Variants in ITGA9 observed in about 807,000 individuals in gnomAD.
ITGA9 encodes integrin subunit alpha 9.
In ITGA9, 56 loss-of-function variants were observed where a neutral mutation model predicts 127.8. The ratio of observed to expected loss-of-function variants is 0.44; its 90% CI spans 0.35 to 0.55. The LOEUF is 0.55. Ranked by LOEUF, ITGA9 falls within the 20% of genes least tolerant of loss-of-function variation. The pLI is 0.00. For missense variants in ITGA9, 1,196 were observed against 1,347.1 expected, an observed-to-expected ratio of 0.89 and a Z score of 1.76; for synonymous variants, 508 against 514.5, an observed-to-expected ratio of 0.99 and a Z score of 0.17.
intron 15 of ITGA9, among the ~76,000 whole-genome samples, chr3:37,611,265 A>G (rs1283813420): frequency 1.3e-5 from 2 of 152,192 alleles, no homozygotes; most frequent in Non-Finnish European, 1.5e-5. Context: ...AGTTCAGTCT[A>G]ATTCTGGGGG....
intron 15 of ITGA9, among the ~76,000 whole-genome samples, chr3:37,547,990 T>C (rs1323694982): frequency 6.6e-6 from 1 of 152,222 alleles, no homozygotes; most frequent in Non-Finnish European, 1.5e-5. Context: ...TTTATGCAAA[T>C]AGTAGTATAC....
At position 37,785,056 on chromosome 3, in the gene ITGA9, A is replaced by T. The variant is rs371349334; in HGVS notation, c.2867A>T (p.His956Leu). ...GCCCTAAGGGTGGTGGAAATAGCTC[A>T]TGGGAACCCAGAAGAGGTGACGGTG... ...DPALRVVEIAHGNPEEVTVVF... is the reference protein window; with the variant it reads ...DPALRVVEIALGNPEEVTVVF... Residue 956 changes from histidine to leucine, a missense_variant, in exon 26 of 28, where the codon CAT becomes CTT. Coordinates refer to ENST00000264741, the MANE Select transcript of ITGA9 (RefSeq NM_002207.3). The T allele has an allele frequency of 3.7e-6, 6 of 1,610,774 alleles. No individual in the cohort carries two copies. The African/African-American group carries it at 6.7e-5, about 18-fold the overall frequency.
intron 15 of ITGA9, among the ~76,000 whole-genome samples, chr3:37,566,581 C>T (rs866151594): frequency 1.3e-5 from 2 of 152,208 alleles, no homozygotes; most frequent in Non-Finnish European, 2.9e-5. Context: ...ACCATTAGCC[C>T]CACTTTGGCA....
chr3:37,513,293 A>G (rs1037277812), intron 8 of ITGA9, among the ~76,000 whole-genome samples: 1 of 152,032 alleles, frequency 6.6e-6, no homozygotes, highest in Non-Finnish European at 1.5e-5. Context: ...GGAATGGGGG[A>G]CTTTGGGCCA....
chr3:37,684,973 G>A lies in ITGA9; in HGVS notation c.2067+958G>A, dbSNP rs576369759. On this transcript the variant is annotated intron_variant, in intron 18 of 27. Coordinates refer to ENST00000264741, the MANE Select transcript of ITGA9 (RefSeq NM_002207.3). Reference sequence around the variant, plus strand: ...CAGGCTTCCCTGCAGACAACAAGGGGGAACAAGTGGACAAAAGTCGACTCT... The same window carrying A: ...CAGGCTTCCCTGCAGACAACAAGGGAGAACAAGTGGACAAAAGTCGACTCT... 6.6e-5 allele frequency among the ~76,000 whole-genome samples: 10 copies of A among 152,234 alleles called. No individual in the cohort carries two copies. The South Asian group carries it at 2.1e-3, about 32-fold the overall frequency.
In ITGA9 at chr3:37,526,073, T is replaced by TGA; in HGVS notation, c.1373+6_1373+7dup. On this transcript the variant is annotated splice_region_variant and intron_variant, in intron 13 of 27. Transcript: ENST00000264741. ...GTCCGACAGCGTGGTTCTTCTCAGG[T>TGA]GAGAGGCCCCACTCTTGCTCCTTGA... 6.2e-7 allele frequency: 1 copy of TGA among 1,613,332 alleles called. No homozygotes were observed. Among genetic ancestry groups the TGA allele is most frequent in the South Asian group, 1.1e-5 (1 of 91,040 alleles).
chr3:37,733,370 T>G (rs1696320203), intron 19 of ITGA9, among the ~76,000 whole-genome samples: 1 of 152,146 alleles, frequency 6.6e-6, no homozygotes, highest in Non-Finnish European at 1.5e-5. Flanking sequence ...TGGAACATTG[T>G]AGTATGTGCC....
At chr3:37,661,750 G>C (rs1157986274) in intron 17 of ITGA9, among the ~76,000 whole-genome samples, 1 of 152,232 alleles carries the variant, frequency 6.6e-6, no homozygotes, top group Admixed American at 6.5e-5. Flanking sequence ...AGCAGTATGT[G>C]AGCCCTGCTC....
At chr3:37,681,087 C>G (rs967311153) in intron 17 of ITGA9, among the ~76,000 whole-genome samples, 1 of 152,202 alleles carries the variant, frequency 6.6e-6, no homozygotes, top group South Asian at 2.1e-4. Context: ...TCCACCCCCC[C>G]AGAAATTAGT....
rs142043846 is a variant in ITGA9, at chr3:37,594,802, C to T, written c.1690-34385C>T. On this transcript the variant is annotated intron_variant, in intron 15 of 27. Transcript: ENST00000264741. ...GGTGTTAAATATATATTTTGGGGAA[C>T]GGGGTCTCGCTATGTTGCCCAGGCT... Among the ~76,000 whole-genome samples the T allele has an allele frequency of 3.5e-3, 539 of 152,198 alleles. 1 individual carries two copies. The highest frequency in any genetic ancestry group is 5.8e-3 in the Non-Finnish European group (394 of 67,992).
chr3:37,597,722 T>C lies in ITGA9; in HGVS notation c.1690-31465T>C, dbSNP rs9823993. 0.53 allele frequency among the ~76,000 whole-genome samples: 80,797 copies of C among 152,114 alleles called. 22,008 individuals are homozygous for C. The highest frequency in any genetic ancestry group is 0.6 in the East Asian group (3,087 of 5,168). On this transcript the variant is annotated intron_variant, in intron 15 of 27. Transcript: ENST00000264741. The surrounding 1 kb of genome is among the most constrained non-coding windows in gnomAD (Gnocchi z 4.6). ...TAATGCTGCAGAACAAACTCAAAAC[T>C]TCAGTGGCATACAATACAAAGCATA...
intron 18 of ITGA9, among the ~76,000 whole-genome samples, chr3:37,732,398 C>T (rs1466827634): frequency 2.0e-5 from 3 of 152,080 alleles, no homozygotes; most frequent in African/African-American, 4.8e-5. Context: ...ACAGGGTTGC[C>T]TTTTCATCCA....
chr3:37,732,770 G>A lies in ITGA9; in HGVS notation c.2126G>A (p.Gly709Glu), dbSNP rs765656403. The change falls in exon 19 of 28, where the codon GGA (glycine) becomes GAA (glutamate). Residue 709 changes from glycine to glutamate, a missense_variant. Coordinates refer to ENST00000264741, the MANE Select transcript of ITGA9 (RefSeq NM_002207.3). Reference protein sequence around the residue: ...LESDFLKCSVGFPFMRSKSKY... With the variant: ...LESDFLKCSVEFPFMRSKSKY... ...TCGGACTTCCTCAAATGCAGCGTGG[G>A]ATTTCCTTTCATGAGGTCAAAGTCA... 6.2e-7 allele frequency: 1 copy of A among 1,611,414 alleles called. No individual in the cohort carries two copies. Among genetic ancestry groups the A allele is most frequent in the Non-Finnish European group, 8.5e-7 (1 of 1,179,350 alleles).
In ITGA9 at chr3:37,597,113, G is replaced by A. The variant is rs184447831; in HGVS notation, c.1690-32074G>A. ...GAAGTAGGGCCAAGTTGGAAGAGGCGAGGAAGTTTAACTTTAAATGAAATT... is the reference window on the plus strand; with the variant it reads ...GAAGTAGGGCCAAGTTGGAAGAGGCAAGGAAGTTTAACTTTAAATGAAATT... On this transcript the variant is annotated intron_variant, in intron 15 of 27. Coordinates refer to ENST00000264741, the MANE Select transcript of ITGA9 (RefSeq NM_002207.3). The surrounding 1 kb of genome is among the most constrained non-coding windows in gnomAD (Gnocchi z 4.6). Among the ~76,000 whole-genome samples the A allele has an allele frequency of 2.6e-5, 4 of 152,316 alleles. No homozygotes were observed. The highest frequency in any genetic ancestry group is 1.9e-4 in the East Asian group (1 of 5,182).
At chr3:37,719,844 T>TG (rs1029457064) in intron 18 of ITGA9, among the ~76,000 whole-genome samples, 36 of 152,282 alleles carry the variant, frequency 2.4e-4, no homozygotes, top group African/African-American at 8.4e-4. Context: ...CAAAGTCTGC[T>TG]CAGATAAGGG....
At chr3:37,481,200 C>G (rs1412402284) in intron 3 of ITGA9, among the ~76,000 whole-genome samples, 3 of 152,184 alleles carry the variant, frequency 2.0e-5, no homozygotes, top group Non-Finnish European at 4.4e-5. Flanking sequence ...CTCCCAGATT[C>G]TCTATTCTAT....
chr3:37,632,985 A>G (rs180705139), intron 16 of ITGA9, among the ~76,000 whole-genome samples: 12 of 152,310 alleles, frequency 7.9e-5, no homozygotes, highest in African/African-American at 2.9e-4. Flanking sequence ...CTTGTACTTC[A>G]ACAAAACAAA....
chr3:37,463,535 A>G (rs748283871), intron 1 of ITGA9, among the ~76,000 whole-genome samples: 1 of 152,182 alleles, frequency 6.6e-6, no homozygotes, highest in Non-Finnish European at 1.5e-5. Context: ...TAGGGTACCA[A>G]CAGAACAATC....
intron 16 of ITGA9, among the ~76,000 whole-genome samples, chr3:37,647,637 C>A (rs1349089727): frequency 6.6e-6 from 1 of 152,160 alleles, no homozygotes; most frequent in African/African-American, 2.4e-5. Context: ...TCCCTACCCC[C>A]TCCCCGACCC....
Sources: allele counts gnomAD v4.1 joint callset (sites outside exome capture counted in the v4.1 genomes callset), GRCh38; gene constraint gnomAD v4.1.1; non-coding constraint Gnocchi (gnomAD v3.1); transcripts MANE v1.5; gene names NCBI Gene and HGNC (gene_info 2026-07-23, HGNC 2026-07-21).